The following PTCHD4 variants were observed in gnomAD, a reference collection of about 807,000 sequenced individuals.
PTCHD4 encodes patched domain containing 4.
In PTCHD4, 33 loss-of-function variants were observed where a neutral mutation model predicts 58.1. The observed-to-expected ratio is 0.57, with a 90% confidence interval of 0.43 to 0.76. The LOEUF is 0.76. Among genes scored for constraint, PTCHD4 ranks in the 30% least tolerant of loss-of-function variants. The pLI, the probability that PTCHD4 is intolerant of heterozygous loss-of-function variation, is 0.00. For synonymous variants in PTCHD4, 478 were observed against 409.6 expected (o/e 1.17, Z -2.02); for missense variants, 1,058 against 1,027.1 (o/e 1.03, Z -0.41).
chr6:47,991,645 G>C (rs1356875064), intron 4 of PTCHD4, among the ~76,000 whole-genome samples: 1 of 151,830 alleles, frequency 6.6e-6, no homozygotes, highest in Non-Finnish European at 1.5e-5. Flanking sequence ...ACTAACAATA[G>C]ACTTAAAGTG....
chr6:48,077,635 C>T (rs1365172607), intron 1 of PTCHD4, among the ~76,000 whole-genome samples: 1 of 152,144 alleles, frequency 6.6e-6, no homozygotes, highest in Admixed American at 6.5e-5. Flanking sequence ...TCATTTCTAG[C>T]TTTTGATTTA....
intron 4 of PTCHD4, among the ~76,000 whole-genome samples, chr6:47,924,139 A>G (rs943587012): frequency 2.6e-5 from 4 of 152,120 alleles, no homozygotes; most frequent in African/African-American, 9.7e-5. Context: ...GGTCAAAGTC[A>G]GCATCTGGTT....
At chr6:47,965,922 C>A (rs1003297740) in intron 4 of PTCHD4, among the ~76,000 whole-genome samples, 9 of 151,950 alleles carry the variant, frequency 5.9e-5, no homozygotes, top group African/African-American at 1.7e-4. Context: ...CTCAAAAAAA[C>A]CAAAAACAAA....
chr6:47,979,146 T>C (rs1296012462), intron 4 of PTCHD4, among the ~76,000 whole-genome samples: 1 of 152,134 alleles, frequency 6.6e-6, no homozygotes, highest in Non-Finnish European at 1.5e-5. Context: ...ACATATAGTC[T>C]GAACAGTGGT....
At position 47,858,452 on chromosome 6, in the gene PTCHD4, T is replaced by C. The variant is rs77458303; in HGVS notation, c.*19851A>G. 1.2e-3 allele frequency among the ~76,000 whole-genome samples: 179 copies of C among 152,118 alleles called. No homozygotes were observed. The highest frequency in any genetic ancestry group is 4.1e-3 in the African/African-American group (172 of 41,560). ...GCAGAAATGTAAACATTAATGGAAATAAAAGTTATCACATCTCCCAAACAA... is the reference window on the plus strand; with the variant it reads ...GCAGAAATGTAAACATTAATGGAAACAAAAGTTATCACATCTCCCAAACAA... On this transcript the variant is annotated 3_prime_UTR_variant, in exon 5 of 5. Transcript: ENST00000339488.
chr6:47,970,212 A>C (rs936541550), intron 4 of PTCHD4, among the ~76,000 whole-genome samples: 7 of 152,210 alleles, frequency 4.6e-5, no homozygotes, highest in African/African-American at 1.7e-4. Context: ...CATGCATTTA[A>C]GTCTGCTCCT....
intron 3 of PTCHD4, among the ~76,000 whole-genome samples, chr6:48,048,086 A>T (rs1003243426): frequency 6.6e-6 from 1 of 151,738 alleles, no homozygotes; most frequent in Non-Finnish European, 1.5e-5. Context: ...TAGTTACCTG[A>T]AAAAGGGGTA....
In PTCHD4 at chr6:48,044,274, A is replaced by T. The variant is rs144057123; in HGVS notation, c.417+23956T>A. Among the ~76,000 whole-genome samples the T allele has an allele frequency of 1.5e-4, 23 of 151,998 alleles. No individual in the cohort carries two copies. In the East Asian group the frequency reaches 4.4e-3, roughly 29 times the overall value. ...GGGTATTCTGCTGTTATCTGGAACT[A>T]CATTCTTTTCATCCAGTCTTTTAGT... On this transcript the variant is annotated intron_variant, in intron 3 of 4. Transcript: ENST00000339488.
chr6:48,092,328 G>A (rs1765382507), intron 1 of PTCHD4, among the ~76,000 whole-genome samples: 1 of 152,100 alleles, frequency 6.6e-6, no homozygotes, highest in Non-Finnish European at 1.5e-5. Flanking sequence ...CTTCTCCACT[G>A]GCCTTACCAA....
chr6:48,005,567 T>A (rs977868345), intron 4 of PTCHD4, among the ~76,000 whole-genome samples: 2 of 152,158 alleles, frequency 1.3e-5, no homozygotes, highest in Non-Finnish European at 2.9e-5. Context: ...ACATTCCACC[T>A]CACCACCTTC....
chr6:47,913,215 A>G lies in PTCHD4; in HGVS notation c.899-33279T>C, dbSNP rs552180776. Reference sequence around the variant, plus strand: ...AAAATGGGAATTCAATAGTAGTACTAATCTCATAGGGTTTTTATGAGGATT... The same window carrying G: ...AAAATGGGAATTCAATAGTAGTACTGATCTCATAGGGTTTTTATGAGGATT... On this transcript the variant is annotated intron_variant, in intron 4 of 4. Coordinates refer to ENST00000339488, the MANE Select transcript of PTCHD4 (RefSeq NM_001384253.1). Among the ~76,000 whole-genome samples, 19 of 152,236 alleles carry G rather than the reference A, an allele frequency of 1.2e-4. No individual in the cohort carries two copies. In the South Asian group the frequency reaches 3.5e-3, roughly 28 times the overall value.
chr6:47,994,620 T>C (rs1768409017), intron 4 of PTCHD4, among the ~76,000 whole-genome samples: 1 of 152,358 alleles, frequency 6.6e-6, no homozygotes, highest in South Asian at 2.1e-4. Context: ...AGGTAATTTC[T>C]GGAAAAAGCA....
At chr6:47,916,218 A>G (rs1765238966) in intron 4 of PTCHD4, among the ~76,000 whole-genome samples, 1 of 152,108 alleles carries the variant, frequency 6.6e-6, no homozygotes. Context: ...CTCTCAGTAA[A>G]TGGGAAAGGA....
At chr6:47,964,808 C>A (rs1767223870) in intron 4 of PTCHD4, among the ~76,000 whole-genome samples, 2 of 152,054 alleles carry the variant, frequency 1.3e-5, no homozygotes. Flanking sequence ...GCTGTAATTA[C>A]TTTGCAATAA....
In PTCHD4 at chr6:48,084,945, T is replaced by C. The variant is rs556655210; in HGVS notation, c.-969-15019A>G. On this transcript the variant is annotated intron_variant, in intron 1 of 4. Coordinates refer to ENST00000339488, the MANE Select transcript of PTCHD4 (RefSeq NM_001384253.1). ...TCTTAGTAGAGACGGTGTTTCACCA[T>C]GTTGCCCAGGCTGGTCACAAACTCC... Among the ~76,000 whole-genome samples, 3 of 152,068 alleles carry C rather than the reference T, an allele frequency of 2.0e-5. No homozygotes were observed. In the South Asian group the frequency reaches 6.2e-4, roughly 32 times the overall value.
chr6:48,039,810 T>C (rs955486150), intron 3 of PTCHD4, among the ~76,000 whole-genome samples: 1 of 152,118 alleles, frequency 6.6e-6, no homozygotes, highest in Admixed American at 6.6e-5. Context: ...ATTGCTTCCA[T>C]GAACACTTTT....
At chr6:48,066,969 A>C (rs1764820724) in intron 3 of PTCHD4, among the ~76,000 whole-genome samples, 1 of 151,648 alleles carries the variant, frequency 6.6e-6, no homozygotes, top group Admixed American at 6.6e-5. Flanking sequence ...GATTTCCTAT[A>C]TTAGGTCATT....
intron 3 of PTCHD4, among the ~76,000 whole-genome samples, chr6:48,030,688 G>A (rs893275166): frequency 6.6e-6 from 1 of 152,058 alleles, no homozygotes; most frequent in African/African-American, 2.4e-5. Context: ...GGTTGTCACT[G>A]CCATCCTCAC....
intron 3 of PTCHD4, among the ~76,000 whole-genome samples, chr6:48,039,454 T>A (rs767415785): frequency 3.6e-4 from 55 of 152,028 alleles, no homozygotes; most frequent in Admixed American, 7.2e-4. Flanking sequence ...GGAGAGGAGG[T>A]GAAAGTATGT....
Sources: gnomAD v4.1 joint callset for allele counts (sites outside exome capture counted in the v4.1 genomes callset) on GRCh38, gnomAD v4.1.1 for gene constraint, MANE v1.5 for transcripts, NCBI Gene and HGNC (gene_info 2026-07-23, HGNC 2026-07-21) for gene names.